The following MLF1 variants were observed in gnomAD, a reference collection of about 807,000 sequenced individuals.
The protein encoded by MLF1 is myelodysplasia-myeloid leukemia factor 1.
Under a neutral mutation model 38.3 loss-of-function variants are expected in MLF1, and 37 were observed. The observed-to-expected ratio is 0.96, with a 90% CI of 0.74 to 1.27. MLF1 has a LOEUF of 1.27. Ranked by LOEUF, MLF1 falls within the 50% of genes most tolerant of loss-of-function variation. The probability of loss-of-function intolerance (pLI) is 0.00; values close to 1 mark genes in which losing one functional copy is unlikely to be tolerated. For missense variants in MLF1, 331 were observed against 349.2 expected, an observed-to-expected ratio of 0.95 and a Z score of 0.42; for synonymous variants, 95 against 106.5, an observed-to-expected ratio of 0.89 and a Z score of 0.66.
intron 1 of MLF1, among the ~76,000 whole-genome samples, chr3:158,583,527 A>G (rs1393670861): frequency 1.3e-5 from 2 of 152,202 alleles, no homozygotes; most frequent in Non-Finnish European, 2.9e-5. Flanking sequence ...ATAATTAAAG[A>G]GTTTGGGAAG....
intron 3 of MLF1, among the ~76,000 whole-genome samples, chr3:158,596,500 T>G (rs1718896936): frequency 6.6e-6 from 1 of 152,148 alleles, no homozygotes; most frequent in Non-Finnish European, 1.5e-5. Context: ...TTATGAAAAC[T>G]ATCGTATGCT....
intron 1 of MLF1, among the ~76,000 whole-genome samples, chr3:158,590,610 A>T (rs1717974789): frequency 6.6e-6 from 1 of 152,240 alleles, no homozygotes; most frequent in Non-Finnish European, 1.5e-5. Flanking sequence ...AAGAAGCATT[A>T]TGCTAAGGGA....
At chr3:158,585,466 T>C (rs1717116219) in intron 1 of MLF1, among the ~76,000 whole-genome samples, 3 of 152,210 alleles carry the variant, frequency 2.0e-5, no homozygotes, top group Admixed American at 2.0e-4. Context: ...ACCTCTTTTC[T>C]TTGTAAATTA....
chr3:158,601,831 C>T (rs1398539528), intron 6 of MLF1, among the ~76,000 whole-genome samples: 10 of 86,064 alleles, frequency 1.2e-4, no homozygotes, highest in South Asian at 4.0e-4. Context: ...TTTTTTGAGA[C>T]GGAGTCTCGC....
chr3:158,584,658 AGTGTGTGTGTGTGTGTGTGTGTGTGT>A (rs56885799), intron 1 of MLF1, among the ~76,000 whole-genome samples: 1 of 134,284 alleles, frequency 7.4e-6, no homozygotes, highest in African/African-American at 2.8e-5. Flanking sequence ...CCATAAAGAA[AGTGTGTGTGTGTGTGTGTGTGTGTGT>A]GTGTGTGTGT....
At chr3:158,572,954 C>G (rs571079397) in intron 1 of MLF1, among the ~76,000 whole-genome samples, 11 of 151,670 alleles carry the variant, frequency 7.3e-5, no homozygotes, top group African/African-American at 2.2e-4. Context: ...TTTGGGTGCC[C>G]GTCATGGCTT....
chr3:158,572,411 G>A (rs1031520440), intron 1 of MLF1, among the ~76,000 whole-genome samples: 1 of 143,580 alleles, frequency 7.0e-6, no homozygotes, highest in Non-Finnish European at 1.5e-5. Context: ...GCATGAGTTG[G>A]TGGGGATGGT....
chr3:158,587,587 T>C (rs941099186), intron 1 of MLF1, among the ~76,000 whole-genome samples: 2 of 152,238 alleles, frequency 1.3e-5, no homozygotes, highest in Non-Finnish European at 2.9e-5. Context: ...CCCCACTCCC[T>C]GGTATTCATG....
chr3:158,600,221 A>T, intron 6 of MLF1, 48 bp downstream of exon 6: 2 of 1,246,180 alleles, frequency 1.6e-6, no homozygotes, highest in Non-Finnish European at 2.1e-6. Flanking sequence ...ATTTAAAATA[A>T]CAGCCGTACT....
intron 6 of MLF1, among the ~76,000 whole-genome samples, chr3:158,601,640 C>T (rs1175637447): frequency 7.3e-5 from 11 of 151,330 alleles, no homozygotes; most frequent in African/African-American, 2.7e-4. Context: ...GCCTGTAATC[C>T]CAGCTACTTG....
Position 158,600,759 on chromosome 3 carries a change from G to C in MLF1, c.613+586G>C, listed in dbSNP as rs968902782. Among the ~76,000 whole-genome samples the C allele has an allele frequency of 5.1e-4, 13 of 25,630 alleles. No homozygotes were observed. The African/African-American group carries it at 5.9e-3, about 12-fold the overall frequency. 16.8% of individuals were successfully genotyped at this position (25,630 alleles called of 152,430 possible). A position where few individuals can be genotyped will look rare whatever the true frequency, so the allele number is the denominator to read the frequency against. On this transcript the variant is annotated intron_variant, in intron 6 of 7. Coordinates refer to ENST00000466246, the MANE Select transcript of MLF1 (RefSeq NM_001369783.1). ...ATTTTTACTTAAATCATTCTGTACT[G>C]TTCAGTAGTACTTAGGCTTTTGTAT...
At position 158,605,298 on chromosome 3, in the gene MLF1, A is replaced by G; in HGVS notation, c.*96A>G. On this transcript the variant is annotated 3_prime_UTR_variant, in exon 8 of 8. Coordinates refer to ENST00000466246, the MANE Select transcript of MLF1 (RefSeq NM_001369783.1). ...AAGACCAATCTCTTGCTGTTAAATCAGTTCTGTCCTTGGCAACTTTCTTCT... is the reference window on the plus strand; with the variant it reads ...AAGACCAATCTCTTGCTGTTAAATCGGTTCTGTCCTTGGCAACTTTCTTCT... 1.1e-6 allele frequency: 1 copy of G among 904,474 alleles called. No individual in the cohort carries two copies. The highest frequency in any genetic ancestry group is 2.3e-4 in the Middle Eastern group (1 of 4,274). 56.0% of individuals were successfully genotyped at this position (904,474 alleles called of 1,614,324 possible). A position where few individuals can be genotyped will look rare whatever the true frequency, so the allele number is the denominator to read the frequency against.
chr3:158,586,978 T>A (rs1479848984), intron 1 of MLF1, among the ~76,000 whole-genome samples: 1 of 152,232 alleles, frequency 6.6e-6, no homozygotes, highest in Non-Finnish European at 1.5e-5. Context: ...CTATCCCCAC[T>A]ACCTGGAACC....
At chr3:158,594,194 G>T (rs2108624731) in intron 3 of MLF1, among the ~76,000 whole-genome samples, 1 of 152,220 alleles carries the variant, frequency 6.6e-6, no homozygotes, top group African/African-American at 2.4e-5. Flanking sequence ...AAATGATCAG[G>T]AAGTTCAGCA....
At chr3:158,578,679 C>T (rs188996289) in intron 1 of MLF1, among the ~76,000 whole-genome samples, 28 of 152,022 alleles carry the variant, frequency 1.8e-4, no homozygotes, top group African/African-American at 5.8e-4. Context: ...AGAAAAAGTA[C>T]GTTTGAGACC....
At chr3:158,600,952 A>C (rs919891578) in intron 6 of MLF1, among the ~76,000 whole-genome samples, 60 of 151,586 alleles carry the variant, frequency 4.0e-4, no homozygotes, top group African/African-American at 1.4e-3. Flanking sequence ...ATTTATTAAC[A>C]AATTTAATCA....
chr3:158,591,407 G>A (rs1156463881), intron 1 of MLF1, among the ~76,000 whole-genome samples: 4 of 151,962 alleles, frequency 2.6e-5, no homozygotes, highest in Non-Finnish European at 5.9e-5. Flanking sequence ...CAATCCACCT[G>A]ACTCAGCCTC....
At chr3:158,600,610 A>G (rs1009950402) in intron 6 of MLF1, among the ~76,000 whole-genome samples, 1 of 151,550 alleles carries the variant, frequency 6.6e-6, no homozygotes, top group African/African-American at 2.4e-5. Flanking sequence ...TTATTATTCT[A>G]CTTTTATATA....
intron 2 of MLF1, 99 bp from the exon 3 acceptor site, chr3:158,593,283 A>G: frequency 3.4e-6 from 3 of 881,006 alleles, no homozygotes; most frequent in Non-Finnish European, 5.0e-6. Flanking sequence ...AGCAATTGAA[A>G]TGTAGCAATT....
Sources: allele counts gnomAD v4.1 joint callset (sites outside exome capture counted in the v4.1 genomes callset), GRCh38; gene constraint gnomAD v4.1.1; transcripts MANE v1.5; gene names NCBI Gene and HGNC (gene_info 2026-07-23, HGNC 2026-07-21).